Variants in LDB2 observed in about 807,000 individuals in gnomAD.
LDB2 encodes the protein LIM domain-binding protein 2.
In LDB2, 12 loss-of-function variants were observed where a neutral mutation model predicts 44.3. The observed-to-expected ratio is 0.27, with a 90% CI of 0.17 to 0.44. The LOEUF (loss-of-function observed/expected upper bound fraction) is 0.44, where lower values mean the gene tolerates loss of function less well. Among genes scored for constraint, LDB2 ranks in the 20% least tolerant of loss-of-function variants. LDB2 has a pLI of 1.00. For missense variants in LDB2, 344 were observed against 473.5 expected, an observed-to-expected ratio of 0.73 and a Z score of 2.54; for synonymous variants, 164 against 174.8, an observed-to-expected ratio of 0.94 and a Z score of 0.49.
intron 1 of LDB2, among the ~76,000 whole-genome samples, chr4:16,772,089 C>T (rs1456472941): frequency 1.3e-5 from 2 of 152,126 alleles, no homozygotes; most frequent in East Asian, 1.9e-4. Context: ...ACCACAGGGC[C>T]CTTTGAACCA....
intron 1 of LDB2, among the ~76,000 whole-genome samples, chr4:16,762,276 T>G (rs1165559974): frequency 6.6e-6 from 1 of 152,164 alleles, no homozygotes; most frequent in Non-Finnish European, 1.5e-5. Flanking sequence ...GCAACCCTTT[T>G]CCCTGGCAAC....
chr4:16,630,271 G>A (rs1731541412), intron 2 of LDB2, among the ~76,000 whole-genome samples: 1 of 152,192 alleles, frequency 6.6e-6, no homozygotes, highest in African/African-American at 2.4e-5. Context: ...GAAGAGAGTG[G>A]GGGCCAATAT....
intron 1 of LDB2, chr4:16,893,026 GA>G (rs1053579200): frequency 2.3e-4 from 199 of 859,708 alleles, no homozygotes; most frequent in Middle Eastern, 5.9e-4. Flanking sequence ...GAAAATGGGG[GA>G]AAAAAAAGAC....
At chr4:16,838,198 C>T (rs567289105) in intron 1 of LDB2, among the ~76,000 whole-genome samples, 1 of 152,278 alleles carries the variant, frequency 6.6e-6, no homozygotes, top group South Asian at 2.1e-4. Context: ...AATATATGAG[C>T]TAAACTTTTC....
At chr4:16,503,759 A>C (rs963175547) in intron 7 of LDB2, among the ~76,000 whole-genome samples, 8 of 152,204 alleles carry the variant, frequency 5.3e-5, no homozygotes, top group African/African-American at 1.4e-4. Context: ...CAGAGATGGA[A>C]GCGTGCAAGA....
At chr4:16,698,795 G>A (rs1752772476) in intron 2 of LDB2, among the ~76,000 whole-genome samples, 3 of 152,078 alleles carry the variant, frequency 2.0e-5, no homozygotes, top group Admixed American at 2.0e-4. Context: ...TTTCTTCATG[G>A]TTCCTACGCA....
intron 2 of LDB2, among the ~76,000 whole-genome samples, chr4:16,629,554 G>T (rs977768358): frequency 5.3e-5 from 8 of 151,968 alleles, no homozygotes; most frequent in Non-Finnish European, 4.4e-5. Flanking sequence ...TCTGTTAGAA[G>T]GAAAACTAAC....
At chr4:16,511,857 A>C in intron 6 of LDB2, 124 bp downstream of exon 6, 1 of 1,092,020 alleles carries the variant, frequency 9.2e-7, no homozygotes, top group Non-Finnish European at 1.3e-6. Context: ...CATGGTCAGA[A>C]TATCCCTAAT....
intron 1 of LDB2, among the ~76,000 whole-genome samples, chr4:16,896,653 CCT>C (rs35641221): frequency 0.055 from 8,413 of 152,116 alleles, 261 homozygotes; most frequent in African/African-American, 0.065. Flanking sequence ...TGGTCCCTGG[CCT>C]CTTTTTTTAT....
At chr4:16,889,003 T>C (rs1029065030) in intron 1 of LDB2, among the ~76,000 whole-genome samples, 1 of 152,038 alleles carries the variant, frequency 6.6e-6, no homozygotes, top group African/African-American at 2.4e-5. Flanking sequence ...AAAAAAAATG[T>C]TCATATTCCC....
chr4:16,699,320 C>T (rs948456426), intron 2 of LDB2, among the ~76,000 whole-genome samples: 2 of 152,206 alleles, frequency 1.3e-5, no homozygotes, highest in Non-Finnish European at 2.9e-5. Context: ...ATCCAACCAA[C>T]GCTATGTGAT....
At chr4:16,717,313 A>G (rs1271974503) in intron 2 of LDB2, among the ~76,000 whole-genome samples, 1 of 152,152 alleles carries the variant, frequency 6.6e-6, no homozygotes, top group Non-Finnish European at 1.5e-5. Context: ...TCTGCAGGTC[A>G]GAAAAAGCAG....
chr4:16,710,439 C>T (rs1442043529), intron 2 of LDB2, among the ~76,000 whole-genome samples: 1 of 152,086 alleles, frequency 6.6e-6, no homozygotes, highest in African/African-American at 2.4e-5. Flanking sequence ...CTGGAGTTGG[C>T]CTTGTCAGTA....
chr4:16,631,668 A>G (rs948988076), intron 2 of LDB2, among the ~76,000 whole-genome samples: 3 of 152,210 alleles, frequency 2.0e-5, no homozygotes, highest in Non-Finnish European at 2.9e-5. Flanking sequence ...TGAAAAGATA[A>G]CAAAATAGAT....
intron 1 of LDB2, among the ~76,000 whole-genome samples, chr4:16,866,613 G>A (rs779054408): frequency 1.3e-5 from 2 of 152,088 alleles, no homozygotes; most frequent in South Asian, 2.1e-4. Context: ...ACTCCAGGCC[G>A]GTGCTTTTCC....
intron 2 of LDB2, among the ~76,000 whole-genome samples, chr4:16,684,471 T>G (rs1483528807): frequency 6.6e-6 from 1 of 152,232 alleles, no homozygotes; most frequent in African/African-American, 2.4e-5. Context: ...GTCAAGAATT[T>G]TCTACAAAAT....
At chr4:16,893,087 C>A (rs1374732655) in intron 1 of LDB2, 1 of 973,192 alleles carries the variant, frequency 1.0e-6, no homozygotes, top group Non-Finnish European at 1.2e-6. Flanking sequence ...TTTTCTGAGG[C>A]CATGTAGAGA....
intron 7 of LDB2, chr4:16,503,260 C>T: frequency 2.2e-6 from 2 of 907,488 alleles, no homozygotes; most frequent in Non-Finnish European, 3.3e-6. Context: ...CAAAAATCTG[C>T]CACTTTTATT....
rs186926864 is a variant in LDB2, at chr4:16,772,862, G to A, written c.133-13602C>T. 1.1e-4 allele frequency among the ~76,000 whole-genome samples: 17 copies of A among 152,248 alleles called. No individual in the cohort carries two copies. In the East Asian group the frequency reaches 1.9e-3, roughly 17 times the overall value. On this transcript the variant is annotated intron_variant, in intron 1 of 7. Transcript: ENST00000304523. ...TCACACATGGTTTAAAATAACACAA[G>A]CACATTCTTACATGATAATATAAAG...
Sources: gnomAD v4.1 joint callset for allele counts (sites outside exome capture counted in the v4.1 genomes callset) on GRCh38, gnomAD v4.1.1 for gene constraint, MANE v1.5 for transcripts, NCBI Gene and HGNC (gene_info 2026-07-23, HGNC 2026-07-21) for gene names.